The following KHDRBS2 variants were observed in gnomAD, a reference collection of about 807,000 sequenced individuals.
KHDRBS2 encodes KH domain-containing, RNA-binding, signal transduction-associated protein 2.
KHDRBS2 carries 26 observed loss-of-function variants against 44.3 expected under a neutral mutation model. The observed-to-expected ratio is 0.59, with a 90% CI of 0.43 to 0.81. The LOEUF is 0.81. Ranked by LOEUF, KHDRBS2 falls within the 40% of genes least tolerant of loss-of-function variation. The pLI, the probability that KHDRBS2 is intolerant of heterozygous loss-of-function variation, is 0.00. For missense variants in KHDRBS2, 476 were observed against 433.1 expected (o/e 1.10, Z -0.88); for synonymous variants, 194 against 151.1 (o/e 1.28, Z -2.08).
intron 1 of KHDRBS2, among the ~76,000 whole-genome samples, chr6:62,275,668 C>T (rs1840815863): frequency 6.6e-6 from 1 of 152,146 alleles, no homozygotes; most frequent in African/African-American, 2.4e-5. Flanking sequence ...GTTCACTCTT[C>T]TAAAAGTTTA....
chr6:62,147,153 C>A (rs1298620481), intron 2 of KHDRBS2, among the ~76,000 whole-genome samples: 1 of 151,778 alleles, frequency 6.6e-6, no homozygotes, highest in African/African-American at 2.4e-5. Context: ...TCTTATGTAT[C>A]CTAGTTCCAG....
At chr6:61,663,248 T>G in the KHDRBS2 span, among the ~76,000 whole-genome samples, 2 of 65,546 alleles carry the variant, frequency 3.1e-5, no homozygotes, top group African/African-American at 6.4e-5. Context: ...CAGGGCCTGT[T>G]GTGGGGTGGG....
intron 6 of KHDRBS2, among the ~76,000 whole-genome samples, chr6:61,755,210 G>T (rs1333424771): frequency 1.3e-5 from 2 of 152,036 alleles, no homozygotes; most frequent in South Asian, 2.1e-4. Flanking sequence ...ATTTTTAAAA[G>T]AATTATTTAA....
At chr6:61,734,256 T>C (rs1467575892) in intron 6 of KHDRBS2, among the ~76,000 whole-genome samples, 1 of 152,156 alleles carries the variant, frequency 6.6e-6, no homozygotes, top group Non-Finnish European at 1.5e-5. Context: ...TATTTGTTCC[T>C]TGAATACCCT....
the KHDRBS2 span, among the ~76,000 whole-genome samples, chr6:61,564,776 C>G: frequency 4.6e-5 from 7 of 152,006 alleles, no homozygotes; most frequent in African/African-American, 1.7e-4. Context: ...CTTTCTAGGT[C>G]AGGCTTGTCT....
chr6:62,086,389 A>T (rs1314987153), intron 2 of KHDRBS2, among the ~76,000 whole-genome samples: 2 of 152,182 alleles, frequency 1.3e-5, no homozygotes, highest in Admixed American at 1.3e-4. Flanking sequence ...ATATTTAATT[A>T]AGCAAGACAG....
chr6:62,244,692 T>G (rs1025897443), intron 1 of KHDRBS2, among the ~76,000 whole-genome samples: 1 of 152,102 alleles, frequency 6.6e-6, no homozygotes, highest in South Asian at 2.1e-4. Context: ...TAAATAGAAA[T>G]AGATTAAGCA....
At chr6:62,232,106 A>C (rs889677916) in intron 1 of KHDRBS2, among the ~76,000 whole-genome samples, 3 of 152,152 alleles carry the variant, frequency 2.0e-5, no homozygotes, top group Non-Finnish European at 2.9e-5. Context: ...GTTATTGGGA[A>C]AAATAATATT....
At chr6:61,912,668 C>T (rs1806260424) in intron 4 of KHDRBS2, among the ~76,000 whole-genome samples, 1 of 152,138 alleles carries the variant, frequency 6.6e-6, no homozygotes, top group Non-Finnish European at 1.5e-5. Context: ...CCAAGATCTG[C>T]TAATTCCACA....
At chr6:61,841,987 T>C (rs988142703) in intron 6 of KHDRBS2, among the ~76,000 whole-genome samples, 2 of 152,204 alleles carry the variant, frequency 1.3e-5, no homozygotes, top group Non-Finnish European at 2.9e-5. Flanking sequence ...TAAACCACTT[T>C]TGTTCCTTCC....
chr6:62,265,588 T>C (rs1218757708), intron 1 of KHDRBS2, among the ~76,000 whole-genome samples: 1 of 152,048 alleles, frequency 6.6e-6, no homozygotes, highest in African/African-American at 2.4e-5. Context: ...CTAAGTGTTA[T>C]ATTTTCAAAT....
intron 4 of KHDRBS2, among the ~76,000 whole-genome samples, chr6:61,945,102 A>T (rs1171295700): frequency 0.25 from 17,772 of 70,710 alleles, 3,438 homozygotes; most frequent in East Asian, 0.32. Context: ...AAAAAAAAAA[A>T]AAAAAAAAAA....
At chr6:61,717,679 C>T (rs1432329321) in intron 7 of KHDRBS2, among the ~76,000 whole-genome samples, 1 of 152,094 alleles carries the variant, frequency 6.6e-6, no homozygotes, top group East Asian at 1.9e-4. Context: ...CAGTGTTTCA[C>T]ACTTTAGTTT....
intron 2 of KHDRBS2, among the ~76,000 whole-genome samples, chr6:62,140,810 T>C (rs1456217906): frequency 6.6e-6 from 1 of 152,074 alleles, no homozygotes; most frequent in East Asian, 1.9e-4. Context: ...TAAAGAGAAA[T>C]TGGTGAATGC....
chr6:61,809,268 T>C (rs1787709833), intron 6 of KHDRBS2, among the ~76,000 whole-genome samples: 1 of 152,124 alleles, frequency 6.6e-6, no homozygotes, highest in Non-Finnish European at 1.5e-5. Context: ...TAATGTGGCT[T>C]CTGTTGTTCT....
the KHDRBS2 span, among the ~76,000 whole-genome samples, chr6:61,636,399 T>C: frequency 6.6e-6 from 1 of 152,128 alleles, no homozygotes; most frequent in Non-Finnish European, 1.5e-5. Context: ...TCTCTGTTCT[T>C]GAAATGCTCT....
chr6:61,638,792 T>C, the KHDRBS2 span, among the ~76,000 whole-genome samples: 6 of 152,142 alleles, frequency 3.9e-5, no homozygotes, highest in Non-Finnish European at 8.8e-5. Flanking sequence ...AACATATTTT[T>C]ATAATAGATG....
At chr6:61,993,477 C>A (rs2127251078) in intron 3 of KHDRBS2, among the ~76,000 whole-genome samples, 1 of 151,444 alleles carries the variant, frequency 6.6e-6, no homozygotes, top group Non-Finnish European at 1.5e-5. Flanking sequence ...TTAATAGAGT[C>A]TGCAAAGTTT....
At chr6:61,714,905 A>G (rs1347588087) in intron 7 of KHDRBS2, among the ~76,000 whole-genome samples, 2 of 151,944 alleles carry the variant, frequency 1.3e-5, no homozygotes, top group South Asian at 2.1e-4. Context: ...GAGTGGGGGA[A>G]CCAGATGGTA....
Sources: allele counts gnomAD v4.1 joint callset (sites outside exome capture counted in the v4.1 genomes callset), GRCh38; gene constraint gnomAD v4.1.1; transcripts MANE v1.5; gene names NCBI Gene and HGNC (gene_info 2026-07-23, HGNC 2026-07-21).